The following KIR3DL3 variants were observed in gnomAD, a reference collection of about 807,000 sequenced individuals.
The protein encoded by KIR3DL3 is killer cell immunoglobulin-like receptor 3DL3.
A neutral mutation model predicts 34.9 loss-of-function variants in KIR3DL3; 27 were observed. The observed-to-expected ratio is 0.77, with a 90% CI of 0.57 to 1.07. The LOEUF (loss-of-function observed/expected upper bound fraction) is 1.07. Among genes scored for constraint, KIR3DL3 ranks in the 50% least tolerant of loss-of-function variants. The pLI, the probability that KIR3DL3 is intolerant of heterozygous loss-of-function variation, is 0.00. For synonymous variants in KIR3DL3, 217 were observed against 200.2 expected (o/e 1.08, Z -0.71); for missense variants, 681 against 528.5 (o/e 1.29, Z -2.83).
chr19:54,726,220 T>C lies in KIR3DL3; in HGVS notation c.238T>C (p.Phe80Leu), dbSNP rs779469574. Residue 80 changes from phenylalanine to leucine, a missense_variant, in exon 3 of 8, where the codon TTT (phenylalanine) becomes CTT (leucine). Phe to Leu is a conservative substitution (Grantham distance 22). Transcript: ENST00000291860. ...ELYNRIFRNSFLMGPVTPAHA... is the reference protein window; with the variant it reads ...ELYNRIFRNSLLMGPVTPAHA... Reference sequence around the variant, plus strand: ...CTACAACAGAATATTCCGGAACAGCTTTCTCATGGGCCCTGTGACCCCAGC... The same window carrying C: ...CTACAACAGAATATTCCGGAACAGCCTTCTCATGGGCCCTGTGACCCCAGC... 2.4e-5 allele frequency: 39 copies of C among 1,613,540 alleles called. No individual in the cohort carries two copies. The highest frequency in any genetic ancestry group is 3.1e-5 in the Non-Finnish European group (37 of 1,179,886).
intron 3 of KIR3DL3, among the ~76,000 whole-genome samples, 190 bp downstream of exon 3, chr19:54,726,527 A>G (rs914772711): frequency 4.8e-5 from 7 of 147,112 alleles, no homozygotes; most frequent in Admixed American, 3.5e-4. Flanking sequence ...ATGGTAATCC[A>G]TGAACCCTGT....
At position 54,725,909 on chromosome 19, in the gene KIR3DL3, G is replaced by T. The variant is rs2068103835; in HGVS notation, c.71-144G>T. 8.3e-6 allele frequency: 6 copies of T among 723,886 alleles called. No individual in the cohort carries two copies. In the South Asian group the frequency reaches 1.1e-4, roughly 13 times the overall value. The allele number at this position is 723,886 out of a possible 1,614,324, so 44.8% of individuals were successfully genotyped here. A position where few individuals can be genotyped will look rare whatever the true frequency, so the allele number is the denominator to read the frequency against. ...TGCTGTAGGGAGACGCCATGTCTAT[G>T]CGGGATGGGTCCTTCCTGTAGCCCT... On this transcript the variant is annotated intron_variant, in intron 2 of 7. Transcript: ENST00000291860.
rs112412050 is a variant in KIR3DL3 at position 54,729,529 on chromosome 19, G to A, written c.692G>A (p.Gly231Asp). Residue 231 changes from glycine (G) to aspartate (D), a missense_variant, in exon 5 of 8, where the codon GGC becomes GAC. Physicochemically the swap from Gly to Asp is moderately conservative, Grantham distance 94 (BLOSUM62 -1). Coordinates refer to ENST00000291860, the MANE Select transcript of KIR3DL3 (RefSeq NM_153443.5). ...YGKPSLSAQP[G>D]PTVQAGENVT... ...AAACCTTCTCTCTCAGCCCAGCCGG[G>A]CCCCACGGTTCAGGCAGGAGAGAAT... The A allele has an allele frequency of 8.6e-3, 13,777 of 1,605,564 alleles. 879 individuals carry two copies. The African/African-American group carries it at 0.15, about 17-fold the overall frequency.
In KIR3DL3 at chr19:54,726,032, TGGTGCCTCCTTCTCCCCC is replaced by T; in HGVS notation, c.71-20_71-3del. ...CGGCTCCACATCCTCCTCTCTAAGG[TGGTGCCTCCTTCTCCCCC>T]AGGTGGTCAGGACAAGCCCTTCCTC... On this transcript the variant is annotated splice_region_variant and splice_polypyrimidine_tract_variant and intron_variant, in intron 2 of 7. Transcript: ENST00000291860. 4 of 1,545,010 alleles carry T rather than the reference TGGTGCCTCCTTCTCCCCC, an allele frequency of 2.6e-6. No individual in the cohort carries two copies. Among genetic ancestry groups the T allele is most frequent in the Admixed American group, 3.4e-5 (2 of 59,174 alleles).
At chr19:54,727,393 G>A (rs2068302230) in intron 3 of KIR3DL3, among the ~76,000 whole-genome samples, 3 of 134,992 alleles carry the variant, frequency 2.2e-5, no homozygotes, top group African/African-American at 2.7e-5. Flanking sequence ...TGAGCACAGT[G>A]GGAAGGGAAT....
intron 5 of KIR3DL3, among the ~76,000 whole-genome samples, chr19:54,732,186 A>T (rs2068873667): frequency 6.6e-6 from 1 of 151,988 alleles, no homozygotes. Context: ...GTACCAATAA[A>T]TGAATGATCC....
chr19:54,728,983 A>C (rs2068495706), intron 4 of KIR3DL3, among the ~76,000 whole-genome samples: 1 of 125,486 alleles, frequency 8.0e-6, no homozygotes, highest in Non-Finnish European at 1.9e-5. Context: ...ATATATAAAT[A>C]GATATAGAGA....
chr19:54,724,626 G>GTGGAGATATGGGCCTGGAA, intron 1 of KIR3DL3, 96 bp downstream of exon 1: 1 of 1,578,046 alleles, frequency 6.3e-7, no homozygotes, highest in Non-Finnish European at 8.6e-7. Context: ...TGGGCCTGGA[G>GTGGAGATATGGGCCTGGAA]TGGAGATATA....
intron 5 of KIR3DL3, among the ~76,000 whole-genome samples, chr19:54,734,698 C>A (rs1283381361): frequency 1.4e-5 from 2 of 146,924 alleles, no homozygotes; most frequent in Admixed American, 1.4e-4. Context: ...AATGTGTTTG[C>A]CTCACAGTTC....
intron 4 of KIR3DL3, 135 bp from the exon 5 acceptor site, chr19:54,729,358 G>C: frequency 9.6e-7 from 1 of 1,038,750 alleles, no homozygotes; most frequent in East Asian, 2.4e-5. Flanking sequence ...GACATGAAGA[G>C]AGATGGGGGT....
At chr19:54,732,493 G>A (rs2068923946) in intron 5 of KIR3DL3, among the ~76,000 whole-genome samples, 1 of 152,086 alleles carries the variant, frequency 6.6e-6, no homozygotes, top group Admixed American at 6.5e-5. Context: ...CCAATCTCAA[G>A]TGATCCCACC....
intron 4 of KIR3DL3, among the ~76,000 whole-genome samples, chr19:54,728,143 A>G (rs1300462579): frequency 1.3e-5 from 2 of 151,490 alleles, no homozygotes; most frequent in Non-Finnish European, 2.9e-5. Flanking sequence ...AAAAAGAGAT[A>G]AAGAGGTAAA....
At chr19:54,727,016 G>T (rs2068257131) in intron 3 of KIR3DL3, among the ~76,000 whole-genome samples, 2 of 134,288 alleles carry the variant, frequency 1.5e-5, no homozygotes, top group African/African-American at 2.8e-5. Context: ...ACCAAACAAG[G>T]AGAAGGTTGG....
At chr19:54,735,153 A>G in intron 5 of KIR3DL3, 100 bp from the exon 6 acceptor site, 1 of 944,564 alleles carries the variant, frequency 1.1e-6, no homozygotes, top group Non-Finnish European at 1.7e-6. Context: ...TGTCCTAAAG[A>G]GACGTTGTAT....
At chr19:54,725,409 A>C in intron 2 of KIR3DL3, 127 bp downstream of exon 2, 1 of 779,622 alleles carries the variant, frequency 1.3e-6, no homozygotes, top group Non-Finnish European at 2.0e-6. Context: ...GGAATCTCTC[A>C]TGAACTAGGA....
At chr19:54,729,366 G>T in intron 4 of KIR3DL3, 127 bp from the exon 5 acceptor site, 1 of 1,087,900 alleles carries the variant, frequency 9.2e-7, no homozygotes, top group Non-Finnish European at 1.3e-6. Flanking sequence ...GAGAGATGGG[G>T]GTGGAGGGTG....
At chr19:54,734,076 T>C (rs2069143753) in intron 5 of KIR3DL3, among the ~76,000 whole-genome samples, 1 of 152,240 alleles carries the variant, frequency 6.6e-6, no homozygotes, top group South Asian at 2.1e-4. Context: ...GCTACATCAT[T>C]ATTTCATGGC....
rs750630475 is a variant in KIR3DL3 at position 54,727,909 on chromosome 19, A to C, written c.654A>C (p.Val218=). The change falls in exon 4 of 8, where the codon GTA becomes GTC. Residue 218 remains valine (V), a splice_region_variant and synonymous_variant. Transcript: ENST00000291860. The part of the protein sequence containing the change: ...APSDPLDIVV[V]GLYGKPSLSA... The stretch of plus-strand genomic sequence containing the variant: ...GTGACCCTCTGGACATCGTGGTCGT[A>C]GGTGAGAGAATACAGACCTGCCTCT... 34 of 1,606,350 alleles carry C rather than the reference A, an allele frequency of 2.1e-5. No homozygotes were observed. The South Asian group carries it at 3.7e-4, about 17-fold the overall frequency.
chr19:54,725,729 A>T (rs1600162020), intron 2 of KIR3DL3, among the ~76,000 whole-genome samples: 1 of 152,124 alleles, frequency 6.6e-6, no homozygotes, highest in Non-Finnish European at 1.5e-5. Flanking sequence ...AGATCTTCTA[A>T]TAGGGGCTCA....
Sources: allele counts gnomAD v4.1 joint callset (sites outside exome capture counted in the v4.1 genomes callset), GRCh38; gene constraint gnomAD v4.1.1; transcripts MANE v1.5; gene names NCBI Gene and HGNC (gene_info 2026-07-23, HGNC 2026-07-21).